Variants in GRXCR1 observed in about 807,000 individuals in gnomAD.
GRXCR1 encodes glutaredoxin domain-containing cysteine-rich protein 1.
Under a neutral mutation model 27.3 loss-of-function variants are expected in GRXCR1, and 27 were observed. The observed-to-expected ratio is 0.99, with a 90% CI of 0.73 to 1.37. The LOEUF (loss-of-function observed/expected upper bound fraction) is 1.37, where lower values mean the gene tolerates loss of function less well. GRXCR1 is among the 40% of genes most tolerant of loss of function. GRXCR1 has a pLI of 0.00. For synonymous variants in GRXCR1, 122 were observed against 131.1 expected (o/e 0.93, Z 0.47); for missense variants, 379 against 354.4 (o/e 1.07, Z -0.56).
chr4:42,930,453 T>G (rs558955502), intron 1 of GRXCR1, among the ~76,000 whole-genome samples: 1 of 152,004 alleles, frequency 6.6e-6, no homozygotes, highest in African/African-American at 2.4e-5. Context: ...TTTTAAGATG[T>G]GCAATAGGTT....
chr4:42,942,209 C>G (rs1038338393), intron 1 of GRXCR1, among the ~76,000 whole-genome samples: 1 of 151,772 alleles, frequency 6.6e-6, no homozygotes, highest in Admixed American at 6.6e-5. Flanking sequence ...TTTGAATACT[C>G]CAGATATGGT....
chr4:42,929,879 C>G (rs1747264181), intron 1 of GRXCR1, among the ~76,000 whole-genome samples: 1 of 151,996 alleles, frequency 6.6e-6, no homozygotes, highest in Non-Finnish European at 1.5e-5. Context: ...CATAAATTCT[C>G]ATGATCACTC....
At chr4:42,906,654 A>G (rs2109742135) in intron 1 of GRXCR1, among the ~76,000 whole-genome samples, 1 of 152,290 alleles carries the variant, frequency 6.6e-6, no homozygotes, top group Admixed American at 6.5e-5. Context: ...GTCACCAGCA[A>G]GCTTGTTTTT....
At chr4:42,967,105 G>A (rs1010013956) in intron 2 of GRXCR1, among the ~76,000 whole-genome samples, 1 of 151,886 alleles carries the variant, frequency 6.6e-6, no homozygotes, top group Non-Finnish European at 1.5e-5. Context: ...TTTTGATGTT[G>A]TATCTAACAA....
In GRXCR1 at chr4:42,932,609, T is replaced by G. The variant is rs1436228304; in HGVS notation, c.385-30283T>G. ...ATATATATATATATATATATATATA[T>G]ATATATATATAGAGAGAGAGAGAGA... On this transcript the variant is annotated intron_variant, in intron 1 of 3. Transcript: ENST00000399770. 9.2e-3 allele frequency among the ~76,000 whole-genome samples: 471 copies of G among 51,172 alleles called. 4 individuals are homozygous for G. The highest frequency in any genetic ancestry group is 0.022 in the African/African-American group (305 of 14,154). The allele number at this position is 51,172 out of a possible 152,430, so 33.6% of individuals were successfully genotyped here. A position where few individuals can be genotyped will look rare whatever the true frequency, so the allele number is the denominator to read the frequency against.
chr4:43,022,410 C>T (rs999834819), intron 3 of GRXCR1, among the ~76,000 whole-genome samples: 3 of 152,316 alleles, frequency 2.0e-5, no homozygotes, highest in African/African-American at 7.2e-5. Flanking sequence ...GATAATCTCT[C>T]TCTCTCCATC....
intron 3 of GRXCR1, among the ~76,000 whole-genome samples, chr4:43,020,938 ACTG>A (rs1713074882): frequency 6.6e-6 from 1 of 152,188 alleles, no homozygotes; most frequent in South Asian, 2.1e-4. Context: ...TTATTACCTC[ACTG>A]CTAAATTATT....
chr4:43,025,110 AT>A (rs547389298), intron 3 of GRXCR1, among the ~76,000 whole-genome samples: 1 of 152,304 alleles, frequency 6.6e-6, no homozygotes, highest in South Asian at 2.1e-4. Context: ...GTAAACTTAC[AT>A]CTTGAAATTT....
intron 3 of GRXCR1, among the ~76,000 whole-genome samples, chr4:43,022,130 C>A (rs1244962140): frequency 1.3e-5 from 2 of 152,124 alleles, no homozygotes; most frequent in Non-Finnish European, 2.9e-5. Flanking sequence ...TTTATTTAAA[C>A]AATTTGGTTT....
intron 1 of GRXCR1, among the ~76,000 whole-genome samples, chr4:42,946,187 ACCT>A (rs1219018568): frequency 6.6e-6 from 1 of 152,210 alleles, no homozygotes; most frequent in East Asian, 1.9e-4. Flanking sequence ...CTGAATTTCC[ACCT>A]CAAGTATTTG....
intron 1 of GRXCR1, among the ~76,000 whole-genome samples, chr4:42,949,198 A>C (rs1318700663): frequency 6.6e-6 from 1 of 151,170 alleles, no homozygotes; most frequent in African/African-American, 2.4e-5. Flanking sequence ...CACTAAAAAT[A>C]CACACACACA....
At chr4:42,914,011 A>T (rs960306872) in intron 1 of GRXCR1, among the ~76,000 whole-genome samples, 1 of 152,180 alleles carries the variant, frequency 6.6e-6, no homozygotes, top group Non-Finnish European at 1.5e-5. Context: ...ATTTCAGAGG[A>T]TGTATGAAAA....
chr4:42,901,884 A>T (rs886696312), intron 1 of GRXCR1, among the ~76,000 whole-genome samples: 13 of 152,290 alleles, frequency 8.5e-5, no homozygotes, highest in African/African-American at 2.9e-4. Flanking sequence ...GGCTGAAAGG[A>T]TGGTAATAAA....
At chr4:42,982,118 A>G (rs925883327) in intron 2 of GRXCR1, among the ~76,000 whole-genome samples, 1 of 151,052 alleles carries the variant, frequency 6.6e-6, no homozygotes, top group Non-Finnish European at 1.5e-5. Flanking sequence ...AGTTAGTTAC[A>G]TATGTATACA....
At chr4:42,953,793 A>G (rs1168680280) in intron 1 of GRXCR1, among the ~76,000 whole-genome samples, 2 of 152,106 alleles carry the variant, frequency 1.3e-5, no homozygotes, top group South Asian at 2.1e-4. Flanking sequence ...ATGTGTCAAT[A>G]ACATTTTATA....
chr4:43,010,395 C>T (rs768468429), intron 2 of GRXCR1, among the ~76,000 whole-genome samples: 2 of 147,694 alleles, frequency 1.4e-5, no homozygotes, highest in South Asian at 4.2e-4. Flanking sequence ...AAGAGAGAAA[C>T]TCCATCTCAA....
Position 42,963,142 on chromosome 4 carries a change from A to C in GRXCR1, c.627+8A>C, listed in dbSNP as rs10213360. The C allele has an allele frequency of 0.8, 1,283,673 of 1,611,240 alleles. 514,029 individuals carry two copies. Among genetic ancestry groups the C allele is most frequent in the East Asian group, 0.99 (44,395 of 44,838 alleles). On this transcript the variant is annotated splice_region_variant and intron_variant, in intron 2 of 3. Transcript: ENST00000399770. The stretch of plus-strand genomic sequence containing the variant: ...GATGGCCATTACCTTGGGGTAAGTA[A>C]GCTGCCCAGGAAAGTCTTTTTCATA...
intron 1 of GRXCR1, among the ~76,000 whole-genome samples, chr4:42,919,724 G>A (rs1446945900): frequency 6.6e-6 from 1 of 151,988 alleles, no homozygotes; most frequent in African/African-American, 2.4e-5. Flanking sequence ...CCATTTCCAG[G>A]AAATGTGTTA....
At chr4:42,974,057 G>A (rs1422715517) in intron 2 of GRXCR1, among the ~76,000 whole-genome samples, 3 of 152,158 alleles carry the variant, frequency 2.0e-5, no homozygotes, top group Non-Finnish European at 2.9e-5. Context: ...CACAGAAACA[G>A]ACCAATTGCA....
Sources: allele counts gnomAD v4.1 joint callset (sites outside exome capture counted in the v4.1 genomes callset), GRCh38; gene constraint gnomAD v4.1.1; transcripts MANE v1.5; gene names NCBI Gene and HGNC (gene_info 2026-07-23, HGNC 2026-07-21).